The following AHNAK variants were observed in gnomAD, a reference collection of about 807,000 sequenced individuals.
AHNAK encodes AHNAK nucleoprotein.
A neutral mutation model predicts 37.8 loss-of-function variants in AHNAK; 23 were observed. That is an observed-to-expected ratio of 0.61 (90% CI 0.44 to 0.86). The LOEUF is 0.86. AHNAK is among the 40% of genes least tolerant of loss of function. AHNAK has a pLI of 0.00. For missense variants in AHNAK, 7,411 were observed against 7,319.4 expected (o/e 1.01, Z -0.46); for synonymous variants, 2,481 against 2,636.3 (o/e 0.94, Z 1.80).
chr11:62,504,514 C>T (rs1939772790), intron 4 of AHNAK, among the ~76,000 whole-genome samples: 2 of 152,142 alleles, frequency 1.3e-5, no homozygotes, highest in African/African-American at 4.8e-5. Flanking sequence ...AACTTGCAAT[C>T]TTACAAATAG....
In AHNAK at chr11:62,521,085, C is replaced by A. The variant is rs771062132; in HGVS notation, c.13332G>T (p.Gly4444=). ...NIEGPEGKLK[G]PKFKMPEMNI... ...TCATCTCAGGCATCTTAAATTTGGG[C>A]CCCTTCAATTTTCCTTCCGGACCTT... The change falls in exon 5 of 5, where the codon GGG becomes GGT. Residue 4444 remains glycine (G), a synonymous_variant. Transcript: ENST00000378024. 1.9e-5 allele frequency: 30 copies of A among 1,613,618 alleles called. No individual in the cohort carries two copies. Among genetic ancestry groups the A allele is most frequent in the Admixed American group, 5.0e-5 (3 of 59,946 alleles).
intron 1 of AHNAK, among the ~76,000 whole-genome samples, chr11:62,544,336 C>T (rs1486335572): frequency 6.6e-6 from 1 of 152,170 alleles, no homozygotes. Flanking sequence ...GTTGGCTCCT[C>T]AAGGAGTTCC....
At chr11:62,442,011 A>G (rs1938317072) in intron 5 of AHNAK, among the ~76,000 whole-genome samples, 1 of 152,080 alleles carries the variant, frequency 6.6e-6, no homozygotes, top group South Asian at 2.1e-4. Flanking sequence ...TGACAACATC[A>G]AGCTCCCCTG....
In AHNAK at chr11:62,519,263, C is replaced by T. The variant is rs1940141858; in HGVS notation, c.15154G>A (p.Asp5052Asn). 1 of 1,614,150 alleles carries T rather than the reference C, an allele frequency of 6.2e-7. No homozygotes were observed. ...ACATCCGGAGCCTTGAGGCTGGCAT[C>T]AATTTCACCCCCAGGAACATTCAGG... The part of the protein sequence containing the change: ...FDLNVPGGEI[D>N]ASLKAPDVDV... The change falls in exon 5 of 5, where the codon GAT becomes AAT. Residue 5052 changes from aspartate to asparagine, a missense_variant. Asp to Asn is a conservative substitution (Grantham distance 23). Coordinates refer to ENST00000378024, the MANE Select transcript of AHNAK (RefSeq NM_001620.3).
rs376675227 is a variant in AHNAK at position 62,525,558 on chromosome 11, C to T, written c.8859G>A (p.Met2953Ile). The T allele has an allele frequency of 2.0e-5, 33 of 1,613,888 alleles. No homozygotes were observed. The Middle Eastern group carries it at 4.9e-4, about 24-fold the overall frequency. Reference sequence around the variant, plus strand: ...TGGGGGCTTTGATATTCATCTCTGGCATCTTGAACTTGGGCCCTTTCAACT... The same window carrying T: ...TGGGGGCTTTGATATTCATCTCTGGTATCTTGAACTTGGGCCCTTTCAACT... ...EGKLKGPKFK[M>I]PEMNIKAPKI... Residue 2953 changes from methionine to isoleucine, a missense_variant, in exon 5 of 5, where the codon ATG becomes ATA. By Grantham distance (10) the Met-to-Ile change is conservative (BLOSUM62 1). Coordinates refer to ENST00000378024, the MANE Select transcript of AHNAK (RefSeq NM_001620.3).
chr11:62,533,559 A>T lies in AHNAK; in HGVS notation c.858T>A (p.Gly286=), dbSNP rs201909891. 6.2e-7 allele frequency: 1 copy of T among 1,613,856 alleles called. No homozygotes were observed. Among genetic ancestry groups the T allele is most frequent in the African/African-American group, 1.3e-5 (1 of 74,922 alleles). ...PAVDISSSLG[G]RAVEVQGPSL... is the part of the protein sequence containing the mutation. Reference sequence around the variant, plus strand: ...ATGGGCCCTGTACCTCTACTGCCCTACCCCCAAGAGAAGATGAAATGTCCA... The same window carrying T: ...ATGGGCCCTGTACCTCTACTGCCCTTCCCCCAAGAGAAGATGAAATGTCCA... The change falls in exon 5 of 5, where the codon GGT becomes GGA. Residue 286 remains glycine (G), a synonymous_variant. Transcript: ENST00000378024.
rs1449391157 is a variant in AHNAK at position 62,522,010 on chromosome 11, A to G, written c.12407T>C (p.Leu4136Pro). 1 of 1,613,902 alleles carries G rather than the reference A, an allele frequency of 6.2e-7. No homozygotes were observed. Among genetic ancestry groups the G allele is most frequent in the African/African-American group, 1.3e-5 (1 of 74,856 alleles). The change falls in exon 5 of 5, where the codon CTG becomes CCG. Residue 4136 changes from leucine (L) to proline (P), a missense_variant. By Grantham distance (98) the Leu-to-Pro change is moderately conservative. Coordinates refer to ENST00000378024, the MANE Select transcript of AHNAK (RefSeq NM_001620.3). Reference protein sequence around the residue: ...APKISMPEVDLNLKGPKMKGD... With the variant: ...APKISMPEVDPNLKGPKMKGD... The stretch of plus-strand genomic sequence containing the variant: ...CTTCATCTTTGGACCTTTCAGATTC[A>G]GGTCAACTTCAGGCATAGAGATCTT...
In AHNAK at chr11:62,520,098, G is replaced by A. The variant is rs1363240933; in HGVS notation, c.14319C>T (p.Gly4773=). The A allele has an allele frequency of 1.2e-6, 2 of 1,612,736 alleles. No homozygotes were observed. The highest frequency in any genetic ancestry group is 8.5e-7 in the Non-Finnish European group (1 of 1,179,748). ...DINTPDVDVH[G]PDWHLKMPKV... ...TGGGCATCTTCAGGTGCCAGTCTGG[G>A]CCATGAACATCCACATCAGGGGTGT... Residue 4773 remains glycine, a synonymous_variant, in exon 5 of 5, where the codon GGC becomes GGT. Transcript: ENST00000378024.
At chr11:62,538,501 G>A (rs894914999) in intron 1 of AHNAK, among the ~76,000 whole-genome samples, 2 of 152,204 alleles carry the variant, frequency 1.3e-5, no homozygotes, top group African/African-American at 4.8e-5. Context: ...TAAGTCATGG[G>A]GAACCTAAGC....
chr11:62,494,477 A>G (rs933282479), intron 4 of AHNAK, among the ~76,000 whole-genome samples: 3 of 152,032 alleles, frequency 2.0e-5, no homozygotes, highest in African/African-American at 7.3e-5. Context: ...CCTTACATCA[A>G]CTCTGGAGAC....
At chr11:62,478,903 T>C (rs1018955377) in intron 5 of AHNAK, among the ~76,000 whole-genome samples, 11 of 151,932 alleles carry the variant, frequency 7.2e-5, no homozygotes, top group Non-Finnish European at 1.3e-4. Context: ...TAAAACAGAG[T>C]CTTGCTCTGT....
intron 1 of AHNAK, among the ~76,000 whole-genome samples, chr11:62,546,252 T>C (rs1220941344): frequency 3.3e-5 from 5 of 152,060 alleles, no homozygotes; most frequent in Middle Eastern, 3.4e-3. Context: ...GGTGGCGATC[T>C]CGGAAATTTC....
In AHNAK at chr11:62,531,760, C is replaced by A. The variant is rs748874750; in HGVS notation, c.2657G>T (p.Ser886Ile). Reference protein sequence around the residue: ...KMPKMKMPKFSMPGFKAEGPE... With the variant: ...KMPKMKMPKFIMPGFKAEGPE... ...GCCCTCTGCTTTGAAGCCAGGCATG[C>A]TGAACTTGGGCATTTTCATCTTGGG... Residue 886 changes from serine to isoleucine, a missense_variant, in exon 5 of 5, where the codon AGC becomes ATC. Transcript: ENST00000378024. 5.0e-5 allele frequency: 80 copies of A among 1,613,642 alleles called. No homozygotes were observed. Among genetic ancestry groups the A allele is most frequent in the Non-Finnish European group, 6.7e-5 (79 of 1,179,970 alleles).
intron 1 of AHNAK, among the ~76,000 whole-genome samples, chr11:62,538,401 C>T (rs1276972092): frequency 2.0e-5 from 3 of 152,194 alleles, no homozygotes; most frequent in Non-Finnish European, 2.9e-5. Context: ...TAGAAAGACA[C>T]CAGGCAGGAC....
chr11:62,477,671 C>T (rs1166858896), intron 5 of AHNAK, among the ~76,000 whole-genome samples: 1 of 151,850 alleles, frequency 6.6e-6, no homozygotes, highest in African/African-American at 2.4e-5. Context: ...GCATGGTGGC[C>T]GGCGCCTGTA....
In AHNAK at chr11:62,449,955, C is replaced by G. The variant is rs113651862; in HGVS notation, c.443-16064G>C. Reference sequence around the variant, plus strand: ...GTGTCTTTTTCCTGCGTGAAAATCTCCAGTGGAGGCAGAGCGCAGTGGTTC... The same window carrying G: ...GTGTCTTTTTCCTGCGTGAAAATCTGCAGTGGAGGCAGAGCGCAGTGGTTC... On this transcript the variant is annotated intron_variant, in intron 5 of 5. Transcript: ENST00000257247. Among the ~76,000 whole-genome samples the G allele has an allele frequency of 1.7e-3, 252 of 152,170 alleles. 2 individuals are homozygous for G. The highest frequency in any genetic ancestry group is 6.0e-3 in the African/African-American group (247 of 41,498).
chr11:62,453,713 C>T (rs1364549126), intron 5 of AHNAK, among the ~76,000 whole-genome samples: 2 of 152,174 alleles, frequency 1.3e-5, no homozygotes, highest in Non-Finnish European at 2.9e-5. Context: ...CTGAATTTAG[C>T]GGGCTATGTT....
In AHNAK at chr11:62,523,519, A is replaced by T; in HGVS notation, c.10898T>A (p.Ile3633Asn). ...DVTLPKADID[I>N]SGPNVDVDVP... ...ATCAACGTCTACATTGGGACCAGAA[A>T]TGTCAATGTCAGCTTTAGGGAGGGT... The change falls in exon 5 of 5, where the codon ATT (isoleucine) becomes AAT (asparagine). Residue 3633 changes from isoleucine to asparagine, a missense_variant. Transcript: ENST00000378024. The T allele has an allele frequency of 1.2e-6, 2 of 1,614,082 alleles. No individual in the cohort carries two copies. Among genetic ancestry groups the T allele is most frequent in the Non-Finnish European group, 8.5e-7 (1 of 1,180,022 alleles).
intron 5 of AHNAK, among the ~76,000 whole-genome samples, chr11:62,440,294 G>C (rs910288026): frequency 6.6e-6 from 1 of 152,142 alleles, no homozygotes; most frequent in Non-Finnish European, 1.5e-5. Context: ...GGGAGAGGAT[G>C]TGTCAGAGCC....
Sources: gnomAD v4.1 joint callset for allele counts (sites outside exome capture counted in the v4.1 genomes callset) on GRCh38, gnomAD v4.1.1 for gene constraint, MANE v1.5 for transcripts, NCBI Gene and HGNC (gene_info 2026-07-23, HGNC 2026-07-21) for gene names.